UNC5D: variants seen among roughly 807,000 people sequenced by gnomAD.
UNC5D encodes the protein unc-5 netrin receptor D.
In UNC5D, 39 loss-of-function variants were observed where a neutral mutation model predicts 105.4. The ratio of observed to expected loss-of-function variants is 0.37; its 90% CI spans 0.29 to 0.48. The LOEUF is 0.48. UNC5D is among the 20% of genes least tolerant of loss of function. The pLI is 0.98. For synonymous variants in UNC5D, 452 were observed against 450.4 expected (o/e 1.00, Z -0.04); for missense variants, 991 against 1,202.4 (o/e 0.82, Z 2.60).
intron 4 of UNC5D, among the ~76,000 whole-genome samples, chr8:35,682,402 C>G (rs1825730324): frequency 6.6e-6 from 1 of 152,200 alleles, no homozygotes; most frequent in African/African-American, 2.4e-5. Flanking sequence ...GATGTGTATG[C>G]TCCTGTGTGA....
At chr8:35,523,701 T>C (rs973231386) in intron 1 of UNC5D, among the ~76,000 whole-genome samples, 1 of 122,448 alleles carries the variant, frequency 8.2e-6, no homozygotes, top group African/African-American at 3.2e-5. Flanking sequence ...GATCCATTTA[T>C]TTAATTAAAA....
intron 2 of UNC5D, among the ~76,000 whole-genome samples, chr8:35,554,540 G>A (rs1216156708): frequency 6.6e-6 from 1 of 152,170 alleles, no homozygotes; most frequent in Non-Finnish European, 1.5e-5. Flanking sequence ...AAAGAATGGT[G>A]TATGCAGTAA....
chr8:35,641,873 G>A (rs778643770), intron 4 of UNC5D, among the ~76,000 whole-genome samples: 1 of 152,098 alleles, frequency 6.6e-6, no homozygotes, highest in East Asian at 1.9e-4. Context: ...AATAAAAAGG[G>A]CTGGCACAAT....
chr8:35,491,768 C>T (rs1216080400), intron 1 of UNC5D, among the ~76,000 whole-genome samples: 2 of 152,122 alleles, frequency 1.3e-5, no homozygotes, highest in East Asian at 1.9e-4. Flanking sequence ...TATGCCATGT[C>T]CTGCATCTTG....
chr8:35,587,811 T>G (rs1304570665), intron 3 of UNC5D, among the ~76,000 whole-genome samples: 1 of 151,682 alleles, frequency 6.6e-6, no homozygotes, highest in Non-Finnish European at 1.5e-5. Flanking sequence ...GGACGTGATT[T>G]TTGGTGGCTA....
At chr8:35,310,693 T>A (rs924020532) in intron 1 of UNC5D, among the ~76,000 whole-genome samples, 15 of 152,060 alleles carry the variant, frequency 9.9e-5, no homozygotes. Flanking sequence ...CAAAGCACAT[T>A]CTAGATAGTT....
chr8:35,368,648 C>G (rs1802266212), intron 1 of UNC5D, among the ~76,000 whole-genome samples: 1 of 151,360 alleles, frequency 6.6e-6, no homozygotes, highest in African/African-American at 2.4e-5. Flanking sequence ...TTGTTATGGT[C>G]TGAATGTTGC....
At chr8:35,512,119 G>A (rs754952320) in intron 1 of UNC5D, among the ~76,000 whole-genome samples, 4 of 152,180 alleles carry the variant, frequency 2.6e-5, no homozygotes, top group South Asian at 2.1e-4. Context: ...ACCTCACTTC[G>A]TTAGACTATC....
intron 1 of UNC5D, among the ~76,000 whole-genome samples, chr8:35,320,959 C>T (rs1337609971): frequency 6.6e-6 from 1 of 152,142 alleles, no homozygotes; most frequent in Non-Finnish European, 1.5e-5. Context: ...ATCACTTTCT[C>T]TCCTGATTTG....
At chr8:35,501,791 T>A (rs1308782828) in intron 1 of UNC5D, among the ~76,000 whole-genome samples, 1 of 152,220 alleles carries the variant, frequency 6.6e-6, no homozygotes, top group Non-Finnish European at 1.5e-5. Context: ...GCTCTGGTAG[T>A]TTACCTCTGA....
chr8:35,610,008 A>C (rs1430882332), intron 4 of UNC5D, among the ~76,000 whole-genome samples: 1 of 152,142 alleles, frequency 6.6e-6, no homozygotes, highest in Non-Finnish European at 1.5e-5. Flanking sequence ...CATTTATCTG[A>C]CCAGAAAAGT....
chr8:35,339,333 C>A (rs540300538), intron 1 of UNC5D, among the ~76,000 whole-genome samples: 2 of 152,094 alleles, frequency 1.3e-5, no homozygotes, highest in African/African-American at 4.8e-5. Context: ...GCAAATAAGT[C>A]CTATATGATG....
intron 1 of UNC5D, among the ~76,000 whole-genome samples, chr8:35,385,026 T>C (rs1307099029): frequency 1.3e-5 from 2 of 152,218 alleles, no homozygotes; most frequent in Non-Finnish European, 2.9e-5. Context: ...ACTTGCTATT[T>C]TGAGAATGCC....
At chr8:35,290,781 T>G (rs1806998950) in intron 1 of UNC5D, among the ~76,000 whole-genome samples, 2 of 151,928 alleles carry the variant, frequency 1.3e-5, no homozygotes, top group Non-Finnish European at 2.9e-5. Context: ...AAACCCCATC[T>G]CTACTAAAAA....
At chr8:35,567,431 G>A (rs1817429137) in intron 2 of UNC5D, among the ~76,000 whole-genome samples, 1 of 152,110 alleles carries the variant, frequency 6.6e-6, no homozygotes, top group Non-Finnish European at 1.5e-5. Flanking sequence ...AAGATGGGAG[G>A]ATTACTTGAG....
intron 1 of UNC5D, among the ~76,000 whole-genome samples, chr8:35,467,495 T>C (rs1205476810): frequency 6.7e-6 from 1 of 149,234 alleles, no homozygotes; most frequent in Non-Finnish European, 1.5e-5. Flanking sequence ...TCCTCTTAGA[T>C]ATGCAGCATT....
chr8:35,718,097 C>CTT lies in UNC5D; in HGVS notation c.1118-4102_1118-4101dup, dbSNP rs57590798. Among the ~76,000 whole-genome samples the CTT allele has an allele frequency of 5.6e-5, 8 of 143,350 alleles. No individual in the cohort carries two copies. In the South Asian group the frequency reaches 1.3e-3, roughly 24 times the overall value. 94.0% of individuals were successfully genotyped at this position (143,350 alleles called of 152,430 possible). A position where few individuals can be genotyped will look rare whatever the true frequency, so the allele number is the denominator to read the frequency against. ...CTGCATTGTTTGTGGGGTTTGGGGG[C>CTT]TTTTTTTTTTTTAACACCTGTAGAA... On this transcript the variant is annotated intron_variant, in intron 8 of 16. Coordinates refer to ENST00000404895, the MANE Select transcript of UNC5D (RefSeq NM_080872.4).
At chr8:35,721,491 C>G in intron 8 of UNC5D, 1 of 702,912 alleles carries the variant, frequency 1.4e-6, no homozygotes, top group South Asian at 1.5e-5. Context: ...ACAGCATGTG[C>G]CGTCCTAGCA....
rs986183695 is a variant in UNC5D at position 35,726,231 on chromosome 8, G to A, written c.1383G>A (p.Gln461=). 8 of 1,614,130 alleles carry A rather than the reference G, an allele frequency of 5.0e-6. No individual in the cohort carries two copies. Among genetic ancestry groups the A allele is most frequent in the Non-Finnish European group, 6.8e-6 (8 of 1,180,010 alleles). ...CATACAGCGGACCCATCTGTCTGCA[G>A]GACCCTCTGGACAAGGAGCTCATGA... ...SRTYSGPICL[Q]DPLDKELMTE... is the part of the protein sequence containing the mutation. Residue 461 remains glutamine (Q), a synonymous_variant, in exon 10 of 17, where the codon CAG becomes CAA. Transcript: ENST00000404895.
Sources: gnomAD v4.1 joint callset for allele counts (sites outside exome capture counted in the v4.1 genomes callset) on GRCh38, gnomAD v4.1.1 for gene constraint, MANE v1.5 for transcripts, NCBI Gene and HGNC (gene_info 2026-07-23, HGNC 2026-07-21) for gene names.